DHX36: variants seen among roughly 807,000 people sequenced by gnomAD.
DHX36 encodes DEAH-box helicase 36, also known as ATP-dependent DNA/RNA helicase DHX36.
Under a neutral mutation model 139.0 loss-of-function variants are expected in DHX36, and 50 were observed. The observed-to-expected ratio is 0.36, with a 90% CI of 0.29 to 0.46. The LOEUF (loss-of-function observed/expected upper bound fraction) is 0.46, where lower values mean the gene tolerates loss of function less well. DHX36 is among the 20% of genes least tolerant of loss of function. DHX36 has a pLI of 1.00. For missense variants in DHX36, 1,024 were observed against 1,211.3 expected, an observed-to-expected ratio of 0.85 and a Z score of 2.29; for synonymous variants, 425 against 401.9, an observed-to-expected ratio of 1.06 and a Z score of -0.69.
intron 12 of DHX36, among the ~76,000 whole-genome samples, chr3:154,296,842 G>A (rs901987988): frequency 1.3e-5 from 2 of 152,190 alleles, no homozygotes; most frequent in Admixed American, 6.5e-5. Flanking sequence ...ATAAAAAGTA[G>A]TGAACAGCTG....
At chr3:154,278,994 A>G (rs1407353622) in intron 22 of DHX36, 1 of 152,088 alleles carries the variant, frequency 6.6e-6, no homozygotes, top group Non-Finnish European at 1.5e-5. Context: ...TCGTTCTGTC[A>G]CCCAGGCTGG....
At position 154,309,299 on chromosome 3, in the gene DHX36, G is replaced by GT. The variant is rs571631387; in HGVS notation, c.813+353dup. Among the ~76,000 whole-genome samples the GT allele has an allele frequency of 7.0e-3, 1,048 of 149,984 alleles. 15 individuals are homozygous for GT. Among genetic ancestry groups the GT allele is most frequent in the African/African-American group, 0.025 (1,008 of 40,892 alleles). ...TTTACATACTCAAAAAATGACAGAA[G>GT]TAAAAAAAAAAGTTAAATAAACCAA... On this transcript the variant is annotated intron_variant, in intron 5 of 24. Transcript: ENST00000496811.
intron 22 of DHX36, 22 bp downstream of exon 22, chr3:154,280,557 A>C: frequency 1.3e-6 from 2 of 1,510,234 alleles, no homozygotes. Flanking sequence ...ACGAGTAATT[A>C]ATAATAATCT....
At chr3:154,277,027 TAC>T (rs1384042332) in intron 23 of DHX36, 128 bp from the exon 24 acceptor site, 21 of 774,166 alleles carry the variant, frequency 2.7e-5, no homozygotes, top group East Asian at 9.1e-5. Context: ...CTATTGTAAT[TAC>T]AGAGATTTGT....
intron 15 of DHX36, among the ~76,000 whole-genome samples, chr3:154,290,499 G>C (rs985664376): frequency 1.3e-4 from 19 of 151,946 alleles, no homozygotes; most frequent in African/African-American, 2.7e-4. Flanking sequence ...AAATTAGCTG[G>C]GTGTGGTGGT....
Position 154,322,670 on chromosome 3 carries a change from C to T in DHX36, c.243+1504G>A, listed in dbSNP as rs553694768. On this transcript the variant is annotated intron_variant, in intron 1 of 24. Coordinates refer to ENST00000496811, the MANE Select transcript of DHX36 (RefSeq NM_020865.3). Reference sequence around the variant, plus strand: ...AACATCCACTGCACAACTGGCTATACCCTTCATGTGGAAACAATAATGAAC... The same window carrying T: ...AACATCCACTGCACAACTGGCTATATCCTTCATGTGGAAACAATAATGAAC... Among the ~76,000 whole-genome samples the T allele has an allele frequency of 1.2e-4, 19 of 152,314 alleles. No individual in the cohort carries two copies. In the East Asian group the frequency reaches 2.7e-3, roughly 22 times the overall value.
chr3:154,290,860 C>A lies in DHX36; in HGVS notation c.1815-1034G>T, dbSNP rs535528850. Among the ~76,000 whole-genome samples the A allele has an allele frequency of 1.3e-4, 20 of 151,046 alleles. No individual in the cohort carries two copies. In the East Asian group the frequency reaches 3.8e-3, roughly 29 times the overall value. On this transcript the variant is annotated intron_variant, in intron 15 of 24. Transcript: ENST00000496811. ...TAAGAGTACCTCCATTGAGGCCGGG[C>A]GCGGTGGCTCACGCCTGTAATCCCA...
At chr3:154,300,287 C>T (rs551852030) in intron 11 of DHX36, among the ~76,000 whole-genome samples, 1 of 152,162 alleles carries the variant, frequency 6.6e-6, no homozygotes, top group South Asian at 2.1e-4. Context: ...AGGCTGGTCT[C>T]GAACTCCTGG....
At chr3:154,320,358 C>T (rs1291277155) in intron 1 of DHX36, among the ~76,000 whole-genome samples, 1 of 150,434 alleles carries the variant, frequency 6.6e-6, no homozygotes, top group African/African-American at 2.5e-5. Flanking sequence ...ATCTCTGATC[C>T]CACCAGTGTC....
At chr3:154,313,594 C>T (rs1255846316) in intron 3 of DHX36, among the ~76,000 whole-genome samples, 1 of 152,060 alleles carries the variant, frequency 6.6e-6, no homozygotes, top group Non-Finnish European at 1.5e-5. Context: ...GTGGAAGGAT[C>T]ACTTGAGCCC....
intron 13 of DHX36, among the ~76,000 whole-genome samples, chr3:154,294,413 T>TCC (rs1711945850): frequency 6.6e-6 from 1 of 152,186 alleles, no homozygotes; most frequent in East Asian, 1.9e-4. Flanking sequence ...CAAAAACTTA[T>TCC]CCCTTCATTT....
At position 154,324,462 on chromosome 3, in the gene DHX36, T is replaced by C. The variant is rs1713332109; in HGVS notation, c.-46A>G. On this transcript the variant is annotated 5_prime_UTR_variant, in exon 1 of 25. Transcript: ENST00000496811. ...CGTCAGAACCAGCAACCGCTGGAAA[T>C]GGCGTCCGGGCCCGGAAGCCACTGT... is the stretch of plus-strand genomic sequence containing the variant. The C allele has an allele frequency of 2.1e-6, 3 of 1,443,278 alleles. No individual in the cohort carries two copies. Among genetic ancestry groups the C allele is most frequent in the African/African-American group, 1.4e-5 (1 of 70,190 alleles). 89.4% of individuals were successfully genotyped at this position (1,443,278 alleles called of 1,614,324 possible). A position where few individuals can be genotyped will look rare whatever the true frequency, so the allele number is the denominator to read the frequency against.
intron 1 of DHX36, 42 bp downstream of exon 1, chr3:154,324,132 C>T (rs1713307188): frequency 1.3e-6 from 2 of 1,552,382 alleles, no homozygotes; most frequent in Non-Finnish European, 1.8e-6. Context: ...GAGAAGAAAA[C>T]CTGTGCTGCC....
At position 154,309,775 on chromosome 3, in the gene DHX36, C is replaced by T; in HGVS notation, c.691G>A (p.Glu231Lys). The T allele has an allele frequency of 6.2e-7, 1 of 1,612,552 alleles. No individual in the cohort carries two copies. Among genetic ancestry groups the T allele is most frequent in the Non-Finnish European group, 8.5e-7 (1 of 1,179,300 alleles). ...TGAGTGGTTTTGCCACAACCAGTTT[C>T]ACCACTTATTACTGTTACCTGATGG... ...DNHQVTVISGETGCGKTTQVT... is the reference protein window; with the variant it reads ...DNHQVTVISGKTGCGKTTQVT... The change falls in exon 5 of 25, where the codon GAA becomes AAA. Residue 231 changes from glutamate to lysine, a missense_variant. Glu to Lys is a moderately conservative substitution (Grantham distance 56). Around this residue, in one of 4 missense-constraint regions of DHX36, gnomAD observed 146 missense variants for 215.0 expected, o/e 0.68. Transcript: ENST00000496811.
rs187257126 is a variant in DHX36, at chr3:154,282,638, A to G, written c.2376+550T>C. ...GGTATGTTAGATTTTTTTGTTTACT[A>G]ATTTGTAGATCTGTTAAATGTCCAG... On this transcript the variant is annotated intron_variant, in intron 20 of 24. Transcript: ENST00000496811. Among the ~76,000 whole-genome samples the G allele has an allele frequency of 2.0e-5, 3 of 151,238 alleles. No individual in the cohort carries two copies. In the East Asian group the frequency reaches 5.8e-4, roughly 29 times the overall value.
intron 1 of DHX36, among the ~76,000 whole-genome samples, chr3:154,321,526 G>A (rs145613700): frequency 9.2e-5 from 14 of 152,084 alleles, no homozygotes; most frequent in African/African-American, 3.1e-4. Flanking sequence ...TCTATTTATC[G>A]CTCCAAACAC....
chr3:154,306,496 T>C (rs1448890795), intron 5 of DHX36, among the ~76,000 whole-genome samples: 1 of 152,196 alleles, frequency 6.6e-6, no homozygotes, highest in African/African-American at 2.4e-5. Flanking sequence ...TCTTATAAAG[T>C]CTTTTAAGGC....
Position 154,315,233 on chromosome 3 carries a change from TTG to T in DHX36, c.414_415del (p.Asn138LysfsTer3), listed in dbSNP as rs1442064977. 1 of 1,613,506 alleles carries T rather than the reference TTG, an allele frequency of 6.2e-7. No homozygotes were observed. The highest frequency in any genetic ancestry group is 1.3e-5 in the African/African-American group (1 of 75,012). ...CAACTTCTTTTCCTGGATGTCAAGT[TTG>T]TTCTCTGAGCATGGTGTGTTCTTAG... On this transcript the variant is annotated frameshift_variant, in exon 3 of 25. Transcript: ENST00000496811. LOFTEE classifies it high-confidence loss of function.
In DHX36 at chr3:154,275,967, T is replaced by C. The variant is rs147857747; in HGVS notation, c.*204A>G. On this transcript the variant is annotated 3_prime_UTR_variant, in exon 25 of 25. Transcript: ENST00000496811. ...GCAGAGTATATGATCAGAGAACATATTGCTTTTATGGTATATATATATATA... is the reference window on the plus strand; with the variant it reads ...GCAGAGTATATGATCAGAGAACATACTGCTTTTATGGTATATATATATATA... 3 of 335,562 alleles carry C rather than the reference T, an allele frequency of 8.9e-6. No homozygotes were observed. The highest frequency in any genetic ancestry group is 9.7e-5 in the Admixed American group (2 of 20,564). The allele number at this position is 335,562 out of a possible 1,614,324, so 20.8% of individuals were successfully genotyped here.
Sources: gnomAD v4.1 joint callset for allele counts (sites outside exome capture counted in the v4.1 genomes callset) on GRCh38, gnomAD v4.1.1 for gene constraint, gnomAD v4.1.1 regional missense constraint, MANE v1.5 for transcripts, NCBI Gene and HGNC (gene_info 2026-07-23, HGNC 2026-07-21) for gene names.